Variants in NCALD observed in about 807,000 individuals in gnomAD.
The protein encoded by NCALD is neurocalcin delta.
In NCALD, 10 loss-of-function variants were observed where a neutral mutation model predicts 18.6. The ratio of observed to expected loss-of-function variants is 0.54; its 90% CI spans 0.33 to 0.91. The LOEUF (loss-of-function observed/expected upper bound fraction) is 0.91, where lower values mean the gene tolerates loss of function less well. Ranked by LOEUF, NCALD falls within the 40% of genes least tolerant of loss-of-function variation. NCALD has a pLI of 0.03. For synonymous variants in NCALD, 88 were observed against 87.4 expected (o/e 1.01, Z -0.04); for missense variants, 184 against 247.6 (o/e 0.74, Z 1.72).
At chr8:102,015,667 G>C (rs116414054) in intron 2 of NCALD, among the ~76,000 whole-genome samples, 1 of 152,098 alleles carries the variant, frequency 6.6e-6, no homozygotes, top group Non-Finnish European at 1.5e-5. Flanking sequence ...GAGAGCTAAG[G>C]ACACAAGGCA....
intron 4 of NCALD, among the ~76,000 whole-genome samples, chr8:101,863,463 T>G (rs955904217): frequency 6.8e-6 from 1 of 147,246 alleles, no homozygotes; most frequent in African/African-American, 2.5e-5. Context: ...GTTTCTCACT[T>G]TTTTTTTTTT....
chr8:102,063,557 AT>A (rs980049567), intron 1 of NCALD, among the ~76,000 whole-genome samples: 3 of 152,128 alleles, frequency 2.0e-5, no homozygotes, highest in African/African-American at 7.2e-5. Flanking sequence ...GAAACTTCAA[AT>A]TTTTCCATCT....
intron 1 of NCALD, among the ~76,000 whole-genome samples, chr8:102,083,808 C>A (rs556331686): frequency 2.5e-4 from 38 of 152,332 alleles, no homozygotes; most frequent in Non-Finnish European, 4.3e-4. Context: ...AACTTTCTCC[C>A]ATTTTCTGAT....
intron 2 of NCALD, among the ~76,000 whole-genome samples, chr8:101,917,637 G>A (rs574782543): frequency 2.2e-4 from 34 of 152,060 alleles, no homozygotes; most frequent in Non-Finnish European, 4.3e-4. Flanking sequence ...AATGACAAAG[G>A]TGATATTACA....
chr8:101,878,720 C>T (rs1217061911), intron 4 of NCALD, among the ~76,000 whole-genome samples: 4 of 152,164 alleles, frequency 2.6e-5, no homozygotes, highest in Non-Finnish European at 5.9e-5. Flanking sequence ...ATAAATCAGA[C>T]TGATGATCCC....
At chr8:101,723,766 T>C (rs993753370) in intron 1 of NCALD, among the ~76,000 whole-genome samples, 3 of 152,206 alleles carry the variant, frequency 2.0e-5, no homozygotes, top group African/African-American at 7.2e-5. Flanking sequence ...AAATTCATAC[T>C]ATCTTATAAA....
intron 2 of NCALD, among the ~76,000 whole-genome samples, chr8:101,943,902 C>T (rs1162010696): frequency 2.0e-5 from 3 of 151,878 alleles, no homozygotes; most frequent in Non-Finnish European, 4.4e-5. Context: ...GATCACACCG[C>T]TGCACTCCAG....
At position 101,689,362 on chromosome 8, in the gene NCALD, G is replaced by A. The variant is rs769717799; in HGVS notation, c.529C>T (p.Pro177Ser). Residue 177 changes from proline (P) to serine (S), a missense_variant, in exon 4 of 4, where the codon CCG (proline) becomes TCG (serine). Coordinates refer to ENST00000220931, the MANE Select transcript of NCALD (RefSeq NM_032041.3). The surrounding 1 kb of genome is among the most constrained non-coding windows in gnomAD (Gnocchi z 4.4). ...CACTGCAGGAGGCGCACAATGGACG[G>A]GTCGCTTTTGGCTCCTCGGATGAAC... ...EEFIRGAKSDPSIVRLLQCDP... is the reference protein window; with the variant it reads ...EEFIRGAKSDSSIVRLLQCDP... 3 of 1,612,994 alleles carry A rather than the reference G, an allele frequency of 1.9e-6. No homozygotes were observed. The African/African-American group carries it at 4.0e-5, about 21-fold the overall frequency.
upstream of NCALD, among the ~76,000 whole-genome samples, chr8:101,795,434 G>T (rs1048093957): frequency 6.6e-6 from 1 of 152,164 alleles, no homozygotes; most frequent in Non-Finnish European, 1.5e-5. Flanking sequence ...TACAGATGTG[G>T]TCTCTTGTGA....
In NCALD at chr8:102,006,111, G is replaced by A. The variant is rs76174262; in HGVS notation, c.-157+14126C>T. Among the ~76,000 whole-genome samples the A allele has an allele frequency of 9.8e-3, 1,492 of 151,680 alleles. 24 individuals are homozygous for A. Among genetic ancestry groups the A allele is most frequent in the African/African-American group, 0.03 (1,246 of 41,402 alleles). On this transcript the variant is annotated intron_variant, in intron 2 of 6. Transcript: ENST00000311028. ...CAAACCTTACAAGGTAGTATATGTCGCTCTCAAAATCCATGATCAATTCTA... is the reference window on the plus strand; with the variant it reads ...CAAACCTTACAAGGTAGTATATGTCACTCTCAAAATCCATGATCAATTCTA...
At chr8:102,066,986 A>G (rs1218973656) in intron 1 of NCALD, among the ~76,000 whole-genome samples, 2 of 152,210 alleles carry the variant, frequency 1.3e-5, no homozygotes, top group Non-Finnish European at 2.9e-5. Flanking sequence ...TAATTCTAAC[A>G]GAGATATTGG....
intron 4 of NCALD, among the ~76,000 whole-genome samples, chr8:101,834,363 G>A (rs1814318466): frequency 6.6e-6 from 1 of 152,258 alleles, no homozygotes; most frequent in East Asian, 1.9e-4. Context: ...CCAAGCCAAT[G>A]CGAGCCAGGC....
chr8:101,903,197 A>ATTT, intron 3 of NCALD, among the ~76,000 whole-genome samples: 1 of 141,058 alleles, frequency 7.1e-6, no homozygotes, highest in South Asian at 2.3e-4. Context: ...ACTTTTAGGA[A>ATTT]TTTTTTTTTT....
chr8:101,880,507 G>C (rs182998377), intron 4 of NCALD, among the ~76,000 whole-genome samples: 1 of 152,228 alleles, frequency 6.6e-6, no homozygotes, highest in Non-Finnish European at 1.5e-5. Context: ...AGCGGAGGCC[G>C]AGGCCAAGGA....
chr8:101,985,833 C>T (rs928143789), intron 2 of NCALD, among the ~76,000 whole-genome samples: 3 of 152,240 alleles, frequency 2.0e-5, no homozygotes, highest in East Asian at 1.9e-4. Flanking sequence ...TTTTAAAATA[C>T]GCATTTAATA....
At chr8:102,054,939 G>C (rs1251915127) in intron 1 of NCALD, among the ~76,000 whole-genome samples, 2 of 152,122 alleles carry the variant, frequency 1.3e-5, no homozygotes, top group South Asian at 2.1e-4. Context: ...GATAGGGTGT[G>C]GGGGTGGTAT....
Position 102,066,868 on chromosome 8 carries a change from C to T in NCALD, c.-209-46579G>A, listed in dbSNP as rs749307769. Among the ~76,000 whole-genome samples, 6 of 152,230 alleles carry T rather than the reference C, an allele frequency of 3.9e-5. No homozygotes were observed. The East Asian group carries it at 5.8e-4, about 15-fold the overall frequency. The stretch of plus-strand genomic sequence containing the variant: ...CTCATGAAGGAGGCAGTTGGCCTGA[C>T]GTTGTCCTTGATGTCATCCTTCCAT... On this transcript the variant is annotated intron_variant, in intron 1 of 6. Transcript: ENST00000311028.
rs79092002 is a variant in NCALD, at chr8:101,733,574, G to A, written c.-19-13926C>T. The stretch of plus-strand genomic sequence containing the variant: ...ATCTAGCAGGTGCTCGCTAAACATG[G>A]ACTATTCATCTGAATGAGATAAAGG... On this transcript the variant is annotated intron_variant, in intron 1 of 3. Transcript: ENST00000220931. Among the ~76,000 whole-genome samples the A allele has an allele frequency of 5.2e-3, 791 of 152,284 alleles. 34 individuals carry two copies. The East Asian group carries it at 0.11, about 22-fold the overall frequency.
At chr8:101,701,935 C>T (rs957051437) in intron 2 of NCALD, among the ~76,000 whole-genome samples, 1 of 152,030 alleles carries the variant, frequency 6.6e-6, no homozygotes, top group African/African-American at 2.4e-5. Context: ...AGAATGAACA[C>T]CTATATATCT....
Sources: gnomAD v4.1 joint callset for allele counts (sites outside exome capture counted in the v4.1 genomes callset) on GRCh38, gnomAD v4.1.1 for gene constraint, Gnocchi (gnomAD v3.1) non-coding constraint, MANE v1.5 for transcripts, NCBI Gene and HGNC (gene_info 2026-07-23, HGNC 2026-07-21) for gene names.